CRISPLD2: variants seen among roughly 807,000 people sequenced by gnomAD.
CRISPLD2 encodes cysteine-rich secretory protein LCCL domain-containing 2.
CRISPLD2 carries 47 observed loss-of-function variants against 71.1 expected under a neutral mutation model. That is an observed-to-expected ratio of 0.66 (90% CI 0.52 to 0.84). CRISPLD2 has a LOEUF of 0.84. Ranked by LOEUF, CRISPLD2 falls within the 40% of genes least tolerant of loss-of-function variation. The pLI is 0.00. For synonymous variants in CRISPLD2, 317 were observed against 250.1 expected (o/e 1.27, Z -2.52); for missense variants, 830 against 651.1 (o/e 1.27, Z -2.99).
Position 84,873,117 on chromosome 16 carries a change from C to T in CRISPLD2, c.1107C>T (p.Ser369=), listed in dbSNP as rs1341263593. The T allele has an allele frequency of 4.3e-6, 7 of 1,612,876 alleles. No homozygotes were observed. The South Asian group carries it at 5.5e-5, about 13-fold the overall frequency. Reference sequence around the variant, plus strand: ...AGTCTGAGAGACACGGCGTGCAGTCCCTCAGGTAACTACTCTGTGATCGGG... The same window carrying T: ...AGTCTGAGAGACACGGCGTGCAGTCTCTCAGGTAACTACTCTGTGATCGGG... The part of the protein sequence containing the change: ...FVKSERHGVQ[S]LSKYKPSSSF... Residue 369 remains serine (S), a synonymous_variant, in exon 10 of 15, where the codon TCC becomes TCT. Coordinates refer to ENST00000262424, the MANE Select transcript of CRISPLD2 (RefSeq NM_031476.4).
intron 8 of CRISPLD2, among the ~76,000 whole-genome samples, chr16:84,871,774 A>G (rs2071471192): frequency 7.0e-6 from 1 of 142,696 alleles, no homozygotes. Flanking sequence ...CTGGTCTTGA[A>G]CTCCTGACCT....
intron 2 of CRISPLD2, among the ~76,000 whole-genome samples, chr16:84,841,838 A>G (rs746279437): frequency 1.4e-4 from 22 of 152,026 alleles, no homozygotes; most frequent in Non-Finnish European, 2.6e-4. Context: ...CAGGTGATCC[A>G]CCCACTTCAG....
chr16:84,827,175 A>C (rs1212052813), intron 1 of CRISPLD2, among the ~76,000 whole-genome samples: 1 of 137,140 alleles, frequency 7.3e-6, no homozygotes, highest in African/African-American at 2.7e-5. Context: ...TTCTAAGGGC[A>C]CAGGCTGGGT....
At chr16:84,860,107 G>A (rs1396971960) in intron 6 of CRISPLD2, among the ~76,000 whole-genome samples, 2 of 145,302 alleles carry the variant, frequency 1.4e-5, no homozygotes, top group African/African-American at 2.6e-5. Flanking sequence ...TAAACCAAGG[G>A]AGATGAGGCA....
At position 84,849,275 on chromosome 16, in the gene CRISPLD2, C is replaced by T; in HGVS notation, c.360-110C>T. 4.5e-6 allele frequency: 5 copies of T among 1,101,672 alleles called. 1 individual carries two copies. Among genetic ancestry groups the T allele is most frequent in the Non-Finnish European group, 6.5e-6 (5 of 774,524 alleles). 68.2% of individuals were successfully genotyped at this position (1,101,672 alleles called of 1,614,324 possible). On this transcript the variant is annotated intron_variant, in intron 3 of 14. Coordinates refer to ENST00000262424, the MANE Select transcript of CRISPLD2 (RefSeq NM_031476.4). The stretch of plus-strand genomic sequence containing the variant: ...CCGTGGCTGCTCCTGGAATTGGCCG[C>T]TATTCACCCTCCTCGGCCTCCCTCC...
At chr16:84,872,251 G>A (rs1455607311) in intron 8 of CRISPLD2, among the ~76,000 whole-genome samples, 191 bp from the exon 9 acceptor site, 3 of 152,174 alleles carry the variant, frequency 2.0e-5, no homozygotes, top group Admixed American at 1.3e-4. Flanking sequence ...ACCGAGGGAC[G>A]ACTGTATTGT....
rs988519987 is a variant in CRISPLD2 at position 84,907,709 on chromosome 16, G to A, written c.*1067G>A. The A allele has an allele frequency of 1.3e-5, 2 of 152,228 alleles. No homozygotes were observed. Among genetic ancestry groups the A allele is most frequent in the East Asian group, 1.9e-4 (1 of 5,200 alleles). 9.4% of individuals were successfully genotyped at this position (152,228 alleles called of 1,614,324 possible). On this transcript the variant is annotated 3_prime_UTR_variant, in exon 15 of 15. Transcript: ENST00000262424. ...CAGCCGTGGGAGGAATGGAGTCTTT[G>A]GTACATTCCTCACCGAGGTTAGCAG...
chr16:84,854,952 C>T lies in CRISPLD2; in HGVS notation c.709+123C>T, dbSNP rs115599117. On this transcript the variant is annotated intron_variant, in intron 6 of 14. Transcript: ENST00000262424. ...ACCCCTCCTGGCCCTATTTAAGACG[C>T]TCTCAGCACATTCCTCCCGCCTCCG... The T allele has an allele frequency of 9.6e-4, 715 of 747,756 alleles. 1 individual carries two copies. In the African/African-American group the frequency reaches 0.011, roughly 12 times the overall value. 46.3% of individuals were successfully genotyped at this position (747,756 alleles called of 1,614,324 possible).
chr16:84,887,244 T>G (rs575304325), intron 13 of CRISPLD2, among the ~76,000 whole-genome samples: 4 of 152,130 alleles, frequency 2.6e-5, no homozygotes, highest in Non-Finnish European at 5.9e-5. Flanking sequence ...GGGTTAAGCT[T>G]TTAAGCTCAG....
At chr16:84,856,951 A>G (rs546025158) in intron 6 of CRISPLD2, among the ~76,000 whole-genome samples, 3 of 152,340 alleles carry the variant, frequency 2.0e-5, no homozygotes, top group African/African-American at 4.8e-5. Flanking sequence ...GAAGCATTGC[A>G]CGCAAAATGG....
intron 1 of CRISPLD2, among the ~76,000 whole-genome samples, chr16:84,830,193 A>G (rs983099016): frequency 6.6e-6 from 1 of 152,134 alleles, no homozygotes; most frequent in African/African-American, 2.4e-5. Flanking sequence ...CTGGTGTTGC[A>G]CACCTGTAGT....
In CRISPLD2 at chr16:84,906,901, C is replaced by G. The variant is rs1000442335; in HGVS notation, c.*259C>G. 1.6e-5 allele frequency: 9 copies of G among 559,480 alleles called. No individual in the cohort carries two copies. Among genetic ancestry groups the G allele is most frequent in the Middle Eastern group, 4.2e-4 (1 of 2,390 alleles). 34.7% of individuals were successfully genotyped at this position (559,480 alleles called of 1,614,324 possible). A position where few individuals can be genotyped will look rare whatever the true frequency, so the allele number is the denominator to read the frequency against. ...GGGTCTCCATCTGGACGTCCTCTCT[C>G]CTTTAGAGATCTGAGCTGTCTCTTA... On this transcript the variant is annotated 3_prime_UTR_variant, in exon 15 of 15. Coordinates refer to ENST00000262424, the MANE Select transcript of CRISPLD2 (RefSeq NM_031476.4).
chr16:84,871,870 G>GAAA (rs56328159), intron 8 of CRISPLD2, among the ~76,000 whole-genome samples: 1 of 100,044 alleles, frequency 1.0e-5, no homozygotes, highest in Admixed American at 1.0e-4. Flanking sequence ...TTTCAAATGA[G>GAAA]AAAAAAAAAA....
At chr16:84,838,897 T>C in intron 2 of CRISPLD2, 162 bp downstream of exon 2, 2 of 972,164 alleles carry the variant, frequency 2.1e-6, no homozygotes. Context: ...CTGTTTTGTT[T>C]GTTTGTTTTG....
chr16:84,868,208 G>A (rs1917595308), intron 7 of CRISPLD2, among the ~76,000 whole-genome samples: 1 of 152,206 alleles, frequency 6.6e-6, no homozygotes, highest in South Asian at 2.1e-4. Flanking sequence ...GCATTCTGTA[G>A]CTTGCTTTGA....
chr16:84,897,365 T>C (rs1397378545), intron 14 of CRISPLD2, among the ~76,000 whole-genome samples: 1 of 150,960 alleles, frequency 6.6e-6, no homozygotes, highest in Non-Finnish European at 1.5e-5. Context: ...GGTAGGAGAA[T>C]TGATTGAACC....
At chr16:84,849,194 C>G in intron 3 of CRISPLD2, 191 bp from the exon 4 acceptor site, 1 of 580,238 alleles carries the variant, frequency 1.7e-6, no homozygotes, top group South Asian at 2.1e-5. Context: ...CTGCCCGTGG[C>G]TGCTCCTGGA....
Position 84,880,522 on chromosome 16 carries a change from G to T in CRISPLD2, c.1243G>T (p.Ala415Ser), listed in dbSNP as rs765209491. ...CCTGTTTTTCAGAATCCATTGTCCG[G>T]CACACTGCAAAGACGAACCTTCCTA... Reference protein sequence around the residue: ...ATHCPRIHCPAHCKDEPSYWA... With the variant: ...ATHCPRIHCPSHCKDEPSYWA... Residue 415 changes from alanine to serine, a missense_variant, in exon 13 of 15, where the codon GCA becomes TCA. Transcript: ENST00000262424. 26 of 1,612,770 alleles carry T rather than the reference G, an allele frequency of 1.6e-5. 1 individual carries two copies. Among genetic ancestry groups the T allele is most frequent in the South Asian group, 4.4e-5 (4 of 90,946 alleles).
intron 1 of CRISPLD2, among the ~76,000 whole-genome samples, chr16:84,834,046 C>G (rs1916555399): frequency 6.6e-6 from 1 of 152,200 alleles, no homozygotes; most frequent in Non-Finnish European, 1.5e-5. Context: ...ATACCTGGGC[C>G]TCGAGGTTAG....
Sources: allele counts gnomAD v4.1 joint callset (sites outside exome capture counted in the v4.1 genomes callset), GRCh38; gene constraint gnomAD v4.1.1; transcripts MANE v1.5; gene names NCBI Gene and HGNC (gene_info 2026-07-23, HGNC 2026-07-21).